Variants in PRKAA2 observed in about 807,000 individuals in gnomAD.
PRKAA2 encodes protein kinase AMP-activated catalytic subunit alpha 2.
In PRKAA2, 40 loss-of-function variants were observed where a neutral mutation model predicts 56.3. The ratio of observed to expected loss-of-function variants is 0.71; its 90% CI spans 0.55 to 0.92. The LOEUF (loss-of-function observed/expected upper bound fraction) is 0.92. PRKAA2 is among the 40% of genes least tolerant of loss of function. The pLI is 0.00. For missense variants in PRKAA2, 542 were observed against 686.9 expected, an observed-to-expected ratio of 0.79 and a Z score of 2.36; for synonymous variants, 214 against 234.2, an observed-to-expected ratio of 0.91 and a Z score of 0.79.
chr1:56,685,271 G>A (rs2206969), intron 2 of PRKAA2, among the ~76,000 whole-genome samples: 150,163 of 152,304 alleles, frequency 0.99, 74,027 homozygotes, highest in East Asian at 1. Flanking sequence ...ACTTACACCT[G>A]AAACAGTGAC....
intron 1 of PRKAA2, among the ~76,000 whole-genome samples, chr1:56,672,797 C>CTG (rs1644087293): frequency 6.6e-6 from 1 of 151,998 alleles, no homozygotes; most frequent in East Asian, 1.9e-4. Flanking sequence ...AGGTGGAAAC[C>CTG]AGATAGCTGT....
intron 2 of PRKAA2, among the ~76,000 whole-genome samples, chr1:56,682,384 C>A (rs571804573): frequency 6.6e-6 from 1 of 151,940 alleles, no homozygotes; most frequent in Non-Finnish European, 1.5e-5. Context: ...TGACCTAAGA[C>A]CTAAAGGATG....
chr1:56,670,155 A>G (rs751560146), intron 1 of PRKAA2, among the ~76,000 whole-genome samples: 3 of 152,208 alleles, frequency 2.0e-5, no homozygotes, highest in Non-Finnish European at 2.9e-5. Flanking sequence ...CCATCAACTC[A>G]TATATGGTTA....
chr1:56,707,399 G>A, intron 8 of PRKAA2, 76 bp from the exon 9 acceptor site: 2 of 1,219,408 alleles, frequency 1.6e-6, no homozygotes, highest in Admixed American at 1.9e-5. Context: ...TTAATATTCT[G>A]AATATCATAA....
At position 56,679,543 on chromosome 1, in the gene PRKAA2, C is replaced by G. The variant is rs148229279; in HGVS notation, c.236+5021C>G. On this transcript the variant is annotated intron_variant, in intron 2 of 8. Transcript: ENST00000371244. ...TTTAATTTCTTCTTTTCCCTCATTTCTTACATACAATCAATCATTAAGGTC... is the reference window on the plus strand; with the variant it reads ...TTTAATTTCTTCTTTTCCCTCATTTGTTACATACAATCAATCATTAAGGTC... Among the ~76,000 whole-genome samples the G allele has an allele frequency of 9.3e-4, 141 of 152,248 alleles. 2 individuals carry two copies. Among genetic ancestry groups the G allele is most frequent in the Non-Finnish European group, 1.7e-3 (118 of 68,018 alleles).
At chr1:56,704,755 A>C (rs1213198126) in intron 7 of PRKAA2, among the ~76,000 whole-genome samples, 2 of 152,192 alleles carry the variant, frequency 1.3e-5, no homozygotes, top group Non-Finnish European at 2.9e-5. Flanking sequence ...ATAGCAATGA[A>C]AAATCATGAG....
intron 1 of PRKAA2, among the ~76,000 whole-genome samples, chr1:56,656,586 A>G (rs2100384250): frequency 6.6e-6 from 1 of 152,308 alleles, no homozygotes; most frequent in East Asian, 1.9e-4. Context: ...TGTCTCTTCA[A>G]ACTCAAGCAC....
intron 1 of PRKAA2, among the ~76,000 whole-genome samples, chr1:56,669,960 A>G (rs1366465936): frequency 6.6e-6 from 1 of 152,172 alleles, no homozygotes; most frequent in Non-Finnish European, 1.5e-5. Context: ...GTAAAATATA[A>G]AAGGCATAGT....
At position 56,714,510 on chromosome 1, in the gene PRKAA2, G is replaced by A. The variant is rs1158569078; in HGVS notation, c.*6797G>A. The A allele has an allele frequency of 6.6e-6, 1 of 152,106 alleles. No individual in the cohort carries two copies. The highest frequency in any genetic ancestry group is 1.5e-5 in the Non-Finnish European group (1 of 67,992). 9.4% of individuals were successfully genotyped at this position (152,106 alleles called of 1,614,324 possible). ...TTCACAAATTGTGGTGTTGTTAGGTGACATTTAATATTTCTTGAGACCTCA... is the reference window on the plus strand; with the variant it reads ...TTCACAAATTGTGGTGTTGTTAGGTAACATTTAATATTTCTTGAGACCTCA... On this transcript the variant is annotated 3_prime_UTR_variant, in exon 9 of 9. Coordinates refer to ENST00000371244, the MANE Select transcript of PRKAA2 (RefSeq NM_006252.4).
intron 1 of PRKAA2, among the ~76,000 whole-genome samples, chr1:56,650,804 TGACTG>T (rs748429473): frequency 6.6e-6 from 1 of 152,222 alleles, no homozygotes; most frequent in Non-Finnish European, 1.5e-5. Context: ...AATAGTTACA[TGACTG>T]GCCTACAGAC....
intron 4 of PRKAA2, among the ~76,000 whole-genome samples, chr1:56,692,795 T>G (rs1054594711): frequency 1.8e-4 from 27 of 151,728 alleles, no homozygotes; most frequent in Non-Finnish European, 3.1e-4. Context: ...TTTTTTGTTT[T>G]TTTTTTTTTT....
Position 56,709,220 on chromosome 1 carries a change from A to G in PRKAA2, c.*1507A>G, listed in dbSNP as rs542483175. The G allele has an allele frequency of 7.3e-4, 111 of 152,318 alleles. No individual in the cohort carries two copies. Among genetic ancestry groups the G allele is most frequent in the African/African-American group, 2.5e-3 (105 of 41,578 alleles). 9.4% of individuals were successfully genotyped at this position (152,318 alleles called of 1,614,324 possible). A position where few individuals can be genotyped will look rare whatever the true frequency, so the allele number is the denominator to read the frequency against. On this transcript the variant is annotated 3_prime_UTR_variant, in exon 9 of 9. Coordinates refer to ENST00000371244, the MANE Select transcript of PRKAA2 (RefSeq NM_006252.4). ...GCCAAAAGTAATGTATGTTCTGCCA[A>G]GAAGCAAATGAGAATGTTAGACTAA...
Position 56,713,763 on chromosome 1 carries a change from T to G in PRKAA2, c.*6050T>G, listed in dbSNP as rs940877587. 6.6e-6 allele frequency: 1 copy of G among 150,676 alleles called. No homozygotes were observed. The highest frequency in any genetic ancestry group is 1.5e-5 in the Non-Finnish European group (1 of 67,854). 9.3% of individuals were successfully genotyped at this position (150,676 alleles called of 1,614,324 possible). ...TAATTTAAACGTGCATTTTTCACAG[T>G]TACACATTTAAGTTTTGCTACCAAA... On this transcript the variant is annotated 3_prime_UTR_variant, in exon 9 of 9. Transcript: ENST00000371244.
chr1:56,697,949 A>G (rs1204191301), intron 6 of PRKAA2, among the ~76,000 whole-genome samples: 1 of 151,948 alleles, frequency 6.6e-6, no homozygotes. Flanking sequence ...GCATGAAAGT[A>G]TCATTCATCT....
intron 1 of PRKAA2, among the ~76,000 whole-genome samples, chr1:56,655,280 A>ATATATATTTTTTTTTTTTTTTTTTTTT: frequency 1.1e-5 from 1 of 93,650 alleles, no homozygotes; most frequent in Admixed American, 1.4e-4. Flanking sequence ...ATATATATAT[A>ATATATATTTTTTTTTTTTTTTTTTTTT]TTTTTTTTTT....
chr1:56,700,997 CAG>C, intron 6 of PRKAA2, among the ~76,000 whole-genome samples: 1 of 152,272 alleles, frequency 6.6e-6, no homozygotes, highest in East Asian at 1.9e-4. Context: ...CTTGAATAAA[CAG>C]TCTTCAGATT....
chr1:56,660,070 C>A (rs1241785167), intron 1 of PRKAA2, among the ~76,000 whole-genome samples: 1 of 152,194 alleles, frequency 6.6e-6, no homozygotes, highest in Non-Finnish European at 1.5e-5. Context: ...CATGTATCAT[C>A]ATTACATCAC....
At chr1:56,655,411 AG>A (rs1643934030) in intron 1 of PRKAA2, among the ~76,000 whole-genome samples, 1 of 88,352 alleles carries the variant, frequency 1.1e-5, no homozygotes, top group Non-Finnish European at 2.3e-5. Context: ...CACCATGCCC[AG>A]CTTTTTTTTT....
rs750673003 is a variant in PRKAA2, at chr1:56,708,829, T to C, written c.*1116T>C. On this transcript the variant is annotated 3_prime_UTR_variant, in exon 9 of 9. Transcript: ENST00000371244. The stretch of plus-strand genomic sequence containing the variant: ...TAAGGGCTGGCTATGACCTTTACTG[T>C]TGAACCTGATAGGGCAGGGAAGCTT... The C allele has an allele frequency of 6.6e-6, 1 of 152,186 alleles. No homozygotes were observed. The highest frequency in any genetic ancestry group is 6.5e-5 in the Admixed American group (1 of 15,272). 9.4% of individuals were successfully genotyped at this position (152,186 alleles called of 1,614,324 possible). A position where few individuals can be genotyped will look rare whatever the true frequency, so the allele number is the denominator to read the frequency against.
Sources: allele counts gnomAD v4.1 joint callset (sites outside exome capture counted in the v4.1 genomes callset), GRCh38; gene constraint gnomAD v4.1.1; transcripts MANE v1.5; gene names NCBI Gene and HGNC (gene_info 2026-07-23, HGNC 2026-07-21).